The following COG8 variants were observed in gnomAD, a reference collection of about 807,000 sequenced individuals.
COG8 encodes conserved oligomeric Golgi complex subunit 8.
Under a neutral mutation model 46.5 loss-of-function variants are expected in COG8, and 45 were observed. That is an observed-to-expected ratio of 0.97 (90% CI 0.76 to 1.24). The LOEUF is 1.24. Ranked by LOEUF, COG8 falls within the 50% of genes most tolerant of loss-of-function variation. The pLI is 0.00. For missense variants in COG8, 793 were observed against 820.8 expected, an observed-to-expected ratio of 0.97 and a Z score of 0.41; for synonymous variants, 407 against 347.8, an observed-to-expected ratio of 1.17 and a Z score of -1.90.
intron 4 of COG8, among the ~76,000 whole-genome samples, chr16:69,332,052 G>C (rs1035613147): frequency 1.3e-5 from 2 of 151,692 alleles, no homozygotes; most frequent in Admixed American, 1.3e-4. Flanking sequence ...ACGTGAAAGT[G>C]AATTGGAAAA....
chr16:69,334,842 C>T lies in COG8; in HGVS notation c.1092G>A (p.Arg364=), dbSNP rs1312811273. The part of the protein sequence containing the change: ...LSFSRVGADF[R]GQLAPVFQRV... ...GCTGGAAAACAGGAGCCAACTGACC[C>T]CGGAAATCAGCTCCCACCCGGCTGA... Residue 364 remains arginine, a synonymous_variant, in exon 3 of 6, where the codon CGG becomes CGA. Transcript: ENST00000306875. 6.2e-7 allele frequency: 1 copy of T among 1,614,176 alleles called. No homozygotes were observed.
At chr16:69,332,086 G>A (rs2011900860) in intron 4 of COG8, among the ~76,000 whole-genome samples, 1 of 152,198 alleles carries the variant, frequency 6.6e-6, no homozygotes, top group Non-Finnish European at 1.5e-5. Flanking sequence ...GGGCGTGGTG[G>A]CTCACGCCTG....
chr16:69,329,649 G>A (rs1567428579), intron 5 of COG8, among the ~76,000 whole-genome samples: 1 of 152,254 alleles, frequency 6.6e-6, no homozygotes, highest in African/African-American at 2.4e-5. Context: ...AGCCCCCTGG[G>A]CTGGGTCAGG....
At chr16:69,332,997 TA>T (rs960186816) in intron 3 of COG8, 115 bp from the exon 4 acceptor site, 13 of 903,266 alleles carry the variant, frequency 1.4e-5, no homozygotes, top group Admixed American at 1.1e-4. Context: ...CAAAGTAATT[TA>T]ACAGTACATT....
intron 3 of COG8, among the ~76,000 whole-genome samples, chr16:69,333,673 G>A (rs913370469): frequency 6.6e-6 from 1 of 152,122 alleles, no homozygotes; most frequent in Non-Finnish European, 1.5e-5. Flanking sequence ...GTGGCATAGC[G>A]ACAGGGTAAG....
intron 2 of COG8, among the ~76,000 whole-genome samples, chr16:69,335,701 G>A (rs960142635): frequency 1.6e-4 from 24 of 151,900 alleles, no homozygotes; most frequent in African/African-American, 4.8e-4. Flanking sequence ...CTGTAATCCC[G>A]GTTACTCGGG....
Position 69,328,549 on chromosome 16 carries a change from C to G in COG8, c.*657G>C, listed in dbSNP as rs2242413. The G allele has an allele frequency of 0.32, 55,126 of 173,160 alleles. 9,423 individuals are homozygous for G. The highest frequency in any genetic ancestry group is 0.4 in the African/African-American group (16,648 of 41,542). 10.7% of individuals were successfully genotyped at this position (173,160 alleles called of 1,614,324 possible). ...CACATCCTTGAACAGGGACTATTCT[C>G]TTTCATTTCCATAAGCAAACTGGCG... On this transcript the variant is annotated 3_prime_UTR_variant, in exon 6 of 6. Coordinates refer to ENST00000306875, the MANE Select transcript of COG8 (RefSeq NM_032382.5).
chr16:69,335,287 A>G lies in COG8; in HGVS notation c.647T>C (p.Leu216Pro). The change falls in exon 3 of 6, where the codon CTG (leucine) becomes CCG (proline). Residue 216 changes from leucine to proline, a missense_variant. Transcript: ENST00000306875. ...QLMLSQLIQQ[L>P]RTNIQLPACL... is the part of the protein sequence containing the mutation. ...GGCAGGAAGCTGGATGTTGGTCCTC[A>G]GTTGCTGGATCAGCTGGCTCAGCAT... 1 of 1,612,484 alleles carries G rather than the reference A, an allele frequency of 6.2e-7. No individual in the cohort carries two copies. The highest frequency in any genetic ancestry group is 1.1e-5 in the South Asian group (1 of 90,942).
At chr16:69,336,982 T>C (rs560450560) in intron 1 of COG8, among the ~76,000 whole-genome samples, 1 of 152,342 alleles carries the variant, frequency 6.6e-6, no homozygotes, top group African/African-American at 2.4e-5. Flanking sequence ...TTGGCCTCTC[T>C]GAACCTATTT....
At chr16:69,331,958 C>T (rs1286444773) in intron 4 of COG8, among the ~76,000 whole-genome samples, 3 of 152,342 alleles carry the variant, frequency 2.0e-5, no homozygotes, top group African/African-American at 7.2e-5. Flanking sequence ...GGCAGCCAGG[C>T]TTTGCACGTG....
At position 69,328,923 on chromosome 16, in the gene COG8, T is replaced by C. The variant is rs994301728; in HGVS notation, c.*283A>G. 12 of 1,473,466 alleles carry C rather than the reference T, an allele frequency of 8.1e-6. No homozygotes were observed. The highest frequency in any genetic ancestry group is 6.3e-5 in the South Asian group (5 of 79,188). 91.3% of individuals were successfully genotyped at this position (1,473,466 alleles called of 1,614,324 possible). ...CTTGGCAATCCAGTTTCCTGTCATA[T>C]GCGAGCCATCCAAGTTGATGCCAAG... On this transcript the variant is annotated 3_prime_UTR_variant, in exon 6 of 6. Coordinates refer to ENST00000306875, the MANE Select transcript of COG8 (RefSeq NM_032382.5).
chr16:69,330,199 C>G (rs1359807029), intron 5 of COG8: 6 of 1,461,210 alleles, frequency 4.1e-6, no homozygotes, highest in African/African-American at 1.5e-5. Context: ...GGAGCTCCAG[C>G]GCCAGCACCT....
chr16:69,330,626 G>C, intron 5 of COG8, 187 bp downstream of exon 5: 1 of 1,403,652 alleles, frequency 7.1e-7, no homozygotes, highest in South Asian at 1.6e-5. Context: ...CGCGGGGCAC[G>C]CCGGGAAGCG....
chr16:69,330,929 G>C lies in COG8; in HGVS notation c.1749C>G (p.Ala583=). The C allele has an allele frequency of 1.3e-6, 2 of 1,558,452 alleles. No homozygotes were observed. Among genetic ancestry groups the C allele is most frequent in the Non-Finnish European group, 1.7e-6 (2 of 1,151,580 alleles). ...ELTAPAPEPP[A]EEPRLEPAGP... is the part of the protein sequence containing the mutation. Reference sequence around the variant, plus strand: ...CCGCGGGCTCCAGGCGTGGCTCCTCGGCGGGAGGCTCTGGTGCTGGAGCTG... The same window carrying C: ...CCGCGGGCTCCAGGCGTGGCTCCTCCGCGGGAGGCTCTGGTGCTGGAGCTG... The change falls in exon 5 of 6, where the codon GCC becomes GCG. Residue 583 remains alanine (A), a synonymous_variant. Coordinates refer to ENST00000306875, the MANE Select transcript of COG8 (RefSeq NM_032382.5).
At chr16:69,333,817 T>A (rs1204380981) in intron 3 of COG8, among the ~76,000 whole-genome samples, 2 of 152,204 alleles carry the variant, frequency 1.3e-5, no homozygotes, top group African/African-American at 4.8e-5. Flanking sequence ...AGGGAGACAC[T>A]ATCTCTCTGT....
At chr16:69,330,068 AAGGTGACC>A (rs770921393) in intron 5 of COG8, 4 of 1,562,614 alleles carry the variant, frequency 2.6e-6, no homozygotes, top group South Asian at 1.2e-5. Context: ...GCCCTCGGGA[AAGGTGACC>A]AGGCGGCTGT....
chr16:69,329,271 C>A (rs114794947), intron 5 of COG8, 92 bp from the exon 6 acceptor site: 16 of 1,360,944 alleles, frequency 1.2e-5, no homozygotes. Flanking sequence ...TGGCTGTTCC[C>A]ATTGACAAGA....
At chr16:69,330,376 C>A (rs1162730316) in intron 5 of COG8, 2 of 1,479,586 alleles carry the variant, frequency 1.4e-6, no homozygotes, top group South Asian at 2.5e-5. Context: ...GGCACACGTG[C>A]GAGAACGGCG....
Position 69,330,976 on chromosome 16 carries a change from G to T in COG8, c.1702C>A (p.Gln568Lys), listed in dbSNP as rs149222287. Reference sequence around the variant, plus strand: ...GCTGTGAGCTCGGGCCCCAGCGCCTGGTCATCCAGGGTGAAAAGCGTCTCT... The same window carrying T: ...GCTGTGAGCTCGGGCCCCAGCGCCTTGTCATCCAGGGTGAAAAGCGTCTCT... ...KRETLFTLDD[Q>K]ALGPELTAPA... The change falls in exon 5 of 6, where the codon CAG becomes AAG. Residue 568 changes from glutamine (Q) to lysine (K), a missense_variant. Physicochemically the swap from Gln to Lys is moderately conservative, Grantham distance 53. Transcript: ENST00000306875. 4.4e-6 allele frequency: 7 copies of T among 1,599,280 alleles called. No individual in the cohort carries two copies. Among genetic ancestry groups the T allele is most frequent in the Non-Finnish European group, 6.0e-6 (7 of 1,173,610 alleles).
Sources: allele counts gnomAD v4.1 joint callset (sites outside exome capture counted in the v4.1 genomes callset), GRCh38; gene constraint gnomAD v4.1.1; transcripts MANE v1.5; gene names NCBI Gene and HGNC (gene_info 2026-07-23, HGNC 2026-07-21).